Variants in NCAN observed in about 807,000 individuals in gnomAD.
The protein encoded by NCAN is neurocan.
Under a neutral mutation model 121.8 loss-of-function variants are expected in NCAN, and 47 were observed. The observed-to-expected ratio is 0.39, with a 90% CI of 0.31 to 0.49. The LOEUF is 0.49. Among genes scored for constraint, NCAN ranks in the 20% least tolerant of loss-of-function variants. The pLI, the probability that NCAN is intolerant of heterozygous loss-of-function variation, is 0.92. For synonymous variants in NCAN, 633 were observed against 702.0 expected (o/e 0.90, Z 1.55); for missense variants, 1,517 against 1,773.4 (o/e 0.86, Z 2.60).
rs560442859 is a variant in NCAN at position 19,238,903 on chromosome 19, T to A, written c.3409+492T>A. ...AGGAGAGAGACAAGTGTTCCATTCA[T>A]GTAATCCGGGACTTATTGATTTATT... On this transcript the variant is annotated intron_variant, in intron 11 of 14. Coordinates refer to ENST00000252575, the MANE Select transcript of NCAN (RefSeq NM_004386.3). 6 of 197,700 alleles carry A rather than the reference T, an allele frequency of 3.0e-5. No individual in the cohort carries two copies. The South Asian group carries it at 5.6e-4, about 18-fold the overall frequency. The allele number at this position is 197,700 out of a possible 1,614,324, so 12.2% of individuals were successfully genotyped here. A position where few individuals can be genotyped will look rare whatever the true frequency, so the allele number is the denominator to read the frequency against.
At chr19:19,233,264 T>A (rs949054753) in intron 8 of NCAN, among the ~76,000 whole-genome samples, 7 of 152,016 alleles carry the variant, frequency 4.6e-5, no homozygotes, top group Admixed American at 3.9e-4. Context: ...TTTCAAAAAA[T>A]TTAATTCCAC....
intron 1 of NCAN, among the ~76,000 whole-genome samples, chr19:19,214,864 AG>A (rs1298217037): frequency 1.3e-5 from 2 of 152,114 alleles, no homozygotes; most frequent in African/African-American, 4.8e-5. Context: ...ATACCTGGCC[AG>A]GCCTGGAACA....
At chr19:19,237,872 T>C (rs2086600250) in intron 10 of NCAN, among the ~76,000 whole-genome samples, 1 of 151,920 alleles carries the variant, frequency 6.6e-6, no homozygotes, top group Admixed American at 6.6e-5. Flanking sequence ...GGTGAAACCC[T>C]ATCTCTACTA....
At chr19:19,248,949 C>G in intron 14 of NCAN, 67 bp downstream of exon 14, 17 of 1,535,052 alleles carry the variant, frequency 1.1e-5, no homozygotes, top group Non-Finnish European at 1.5e-5. Flanking sequence ...GTAAGACATC[C>G]TATTTCTCCA....
intron 12 of NCAN, among the ~76,000 whole-genome samples, chr19:19,243,980 G>A (rs572633465): frequency 1.1e-4 from 17 of 151,828 alleles, no homozygotes; most frequent in African/African-American, 2.9e-4. Context: ...AGCAGTGAGC[G>A]AGATCGCACC....
chr19:19,218,864 G>A, intron 2 of NCAN, 51 bp from the exon 3 acceptor site: 3 of 1,443,744 alleles, frequency 2.1e-6, no homozygotes, highest in Non-Finnish European at 2.7e-6. Flanking sequence ...AGCAGTCCCT[G>A]CTTGGTTCTT....
Position 19,243,082 on chromosome 19 carries a change from A to AT in NCAN, c.3493-2220dup, listed in dbSNP as rs372731362. Among the ~76,000 whole-genome samples the AT allele has an allele frequency of 1.7e-3, 250 of 149,102 alleles. 1 individual carries two copies. The highest frequency in any genetic ancestry group is 7.1e-3 in the Middle Eastern group (2 of 282). ...GGCATAGAAGGCCAGCTGTTGTATG[A>AT]TTTTTTTTTTTCATGAAGCATTCAG... On this transcript the variant is annotated intron_variant, in intron 12 of 14. Transcript: ENST00000252575.
intron 8 of NCAN, among the ~76,000 whole-genome samples, chr19:19,232,503 C>T (rs929198476): frequency 2.6e-5 from 4 of 152,210 alleles, no homozygotes; most frequent in Non-Finnish European, 5.9e-5. Flanking sequence ...CATGGGGCCA[C>T]CCCAGGGACA....
Position 19,238,393 on chromosome 19 carries a change from G to T in NCAN, c.3391G>T (p.Glu1131Ter). 6.2e-7 allele frequency: 1 copy of T among 1,614,164 alleles called. No individual in the cohort carries two copies. The highest frequency in any genetic ancestry group is 8.5e-7 in the Non-Finnish European group (1 of 1,180,030). The change falls in exon 11 of 15, where the codon GAA (glutamate) becomes TAA (stop). Residue 1131 changes from glutamate (E) to a stop codon, truncating the protein, a stop_gained. Transcript: ENST00000252575. LOFTEE classifies it high-confidence loss of function. ...CCTGACCAGCGTCCACTCACCGGAGGAACACAGCTTCATTAATAGTAGGGG... is the reference window on the plus strand; with the variant it reads ...CCTGACCAGCGTCCACTCACCGGAGTAACACAGCTTCATTAATAGTAGGGG... ...GHLTSVHSPE[E>*]HSFINSFGHE... is the part of the protein sequence containing the mutation.
At chr19:19,249,680 T>C in intron 14 of NCAN, 86 bp from the exon 15 acceptor site, 1 of 1,517,480 alleles carries the variant, frequency 6.6e-7, no homozygotes, top group Non-Finnish European at 8.8e-7. Context: ...TTCCTCTACT[T>C]TCTCTCCCAA....
At chr19:19,236,729 C>CTT (rs112451049) in intron 10 of NCAN, among the ~76,000 whole-genome samples, 2 of 136,426 alleles carry the variant, frequency 1.5e-5, no homozygotes, top group Non-Finnish European at 1.6e-5. Flanking sequence ...TGTGCTTGGC[C>CTT]TTTTTTTTTT....
Position 19,219,005 on chromosome 19 carries a change from T to C in NCAN, c.164T>C (p.Val55Ala). Residue 55 changes from valine (V) to alanine (A), a missense_variant, in exon 3 of 15, where the codon GTG (valine) becomes GCG (alanine). Physicochemically the swap from Val to Ala is moderately conservative, Grantham distance 64. Transcript: ENST00000252575. Reference sequence around the variant, plus strand: ...GTGCAGGCTGCGCTGGCGGAGCTGGTGGCCCTGCCCTGTCTCTTTACCCTG... The same window carrying C: ...GTGCAGGCTGCGCTGGCGGAGCTGGCGGCCCTGCCCTGTCTCTTTACCCTG... ...GSVQAALAEL[V>A]ALPCLFTLQP... 1 of 1,601,408 alleles carries C rather than the reference T, an allele frequency of 6.2e-7. No individual in the cohort carries two copies. Among genetic ancestry groups the C allele is most frequent in the Non-Finnish European group, 8.5e-7 (1 of 1,172,314 alleles).
Position 19,228,049 on chromosome 19 carries a change from T to A in NCAN, c.2429T>A (p.Val810Asp). The A allele has an allele frequency of 1.2e-6, 2 of 1,613,544 alleles. No individual in the cohort carries two copies. The highest frequency in any genetic ancestry group is 1.7e-5 in the Admixed American group (1 of 60,018). The change falls in exon 8 of 15, where the codon GTC becomes GAC. Residue 810 changes from valine (V) to aspartate (D), a missense_variant. By Grantham distance (152) the Val-to-Asp change is radical. Coordinates refer to ENST00000252575, the MANE Select transcript of NCAN (RefSeq NM_004386.3). The part of the protein sequence containing the change: ...GSPGVFLVPK[V>D]TPNLEPWVAT... ...CCTGGAGTCTTCTTGGTACCCAAAG[T>A]CACCCCAAATTTGGAGCCTTGGGTT...
At chr19:19,236,241 C>G (rs541105447) in intron 10 of NCAN, among the ~76,000 whole-genome samples, 1 of 152,278 alleles carries the variant, frequency 6.6e-6, no homozygotes, top group South Asian at 2.1e-4. Flanking sequence ...TTTGCCTGTT[C>G]TAGACATTTC....
At chr19:19,244,681 T>G (rs1313951292) in intron 12 of NCAN, among the ~76,000 whole-genome samples, 1 of 151,764 alleles carries the variant, frequency 6.6e-6, no homozygotes, top group African/African-American at 2.4e-5. Context: ...GACTTCGGGC[T>G]GAGATCACCA....
chr19:19,227,954 G>C lies in NCAN; in HGVS notation c.2334G>C (p.Val778=). ...GCTTGCAGGCCACTGTAGATGAGGT[G>C]CAGGACCCCTGGCCCTCAGTGTACA... ...TSGLQATVDE[V]QDPWPSVYSK... The change falls in exon 8 of 15, where the codon GTG becomes GTC. Residue 778 remains valine (V), a synonymous_variant. Coordinates refer to ENST00000252575, the MANE Select transcript of NCAN (RefSeq NM_004386.3). The surrounding 1 kb of genome is among the most constrained non-coding windows in gnomAD (Gnocchi z 4.2). 6.2e-7 allele frequency: 1 copy of C among 1,613,480 alleles called. No homozygotes were observed. Among genetic ancestry groups the C allele is most frequent in the Non-Finnish European group, 8.5e-7 (1 of 1,179,978 alleles).
At chr19:19,246,428 C>G (rs1479699306) in intron 13 of NCAN, among the ~76,000 whole-genome samples, 4 of 152,200 alleles carry the variant, frequency 2.6e-5, no homozygotes, top group Non-Finnish European at 4.4e-5. Context: ...CCCTTGCTAA[C>G]TCTGCACATT....
chr19:19,240,788 A>C, intron 12 of NCAN, 103 bp downstream of exon 12: 1 of 1,144,266 alleles, frequency 8.7e-7, no homozygotes, highest in Admixed American at 1.9e-5. Flanking sequence ...TGGGTGTCAG[A>C]GGTCTCTAGT....
intron 8 of NCAN, among the ~76,000 whole-genome samples, chr19:19,229,009 A>G (rs1174279087): frequency 6.6e-6 from 1 of 152,130 alleles, no homozygotes; most frequent in Non-Finnish European, 1.5e-5. Flanking sequence ...GGAGTTCAAG[A>G]CCAGCCTGGC....
Sources: allele counts gnomAD v4.1 joint callset (sites outside exome capture counted in the v4.1 genomes callset), GRCh38; gene constraint gnomAD v4.1.1; non-coding constraint Gnocchi (gnomAD v3.1); transcripts MANE v1.5; gene names NCBI Gene and HGNC (gene_info 2026-07-23, HGNC 2026-07-21).